Variants in PHLPP2 observed in about 807,000 individuals in gnomAD.
PHLPP2 encodes PH domain leucine-rich repeat-containing protein phosphatase 2.
PHLPP2 carries 66 observed loss-of-function variants against 124.9 expected under a neutral mutation model. The observed-to-expected ratio is 0.53, with a 90% CI of 0.43 to 0.65. The LOEUF (loss-of-function observed/expected upper bound fraction) is 0.65, where lower values mean the gene tolerates loss of function less well. Among genes scored for constraint, PHLPP2 ranks in the 30% least tolerant of loss-of-function variants. The pLI, the probability that PHLPP2 is intolerant of heterozygous loss-of-function variation, is 0.00. For missense variants in PHLPP2, 1,685 were observed against 1,600.4 expected, an observed-to-expected ratio of 1.05 and a Z score of -0.90; for synonymous variants, 681 against 624.7, an observed-to-expected ratio of 1.09 and a Z score of -1.34.
At chr16:71,658,932 T>C (rs1351497828) in intron 13 of PHLPP2, 117 bp from the exon 14 acceptor site, 2 of 837,056 alleles carry the variant, frequency 2.4e-6, no homozygotes, top group African/African-American at 1.7e-5. Context: ...GCCAGATGAC[T>C]GGTGAGAAAT....
intron 2 of PHLPP2, among the ~76,000 whole-genome samples, chr16:71,710,764 T>C (rs2145379258): frequency 6.6e-6 from 1 of 152,318 alleles, no homozygotes; most frequent in Middle Eastern, 3.4e-3. Flanking sequence ...CATTTAATCT[T>C]CATATCATTT....
At chr16:71,650,315 C>CCT (rs2044687554) in intron 18 of PHLPP2, among the ~76,000 whole-genome samples, 9 of 152,108 alleles carry the variant, frequency 5.9e-5, no homozygotes. Context: ...GAAGAACAGG[C>CCT]CTCAGTATGT....
chr16:71,716,829 CCAGA>C (rs1451697908), intron 1 of PHLPP2, among the ~76,000 whole-genome samples: 1 of 152,200 alleles, frequency 6.6e-6, no homozygotes, highest in Non-Finnish European at 1.5e-5. Context: ...TTAATGACTA[CCAGA>C]CATTTTTACT....
At chr16:71,722,766 C>T (rs2045406458) in intron 1 of PHLPP2, among the ~76,000 whole-genome samples, 1 of 152,084 alleles carries the variant, frequency 6.6e-6, no homozygotes, top group Non-Finnish European at 1.5e-5. Flanking sequence ...AATTCCATTC[C>T]ACCTGCGGAA....
intron 12 of PHLPP2, among the ~76,000 whole-genome samples, chr16:71,664,435 G>A (rs1422625200): frequency 1.3e-5 from 2 of 152,134 alleles, no homozygotes; most frequent in Non-Finnish European, 2.9e-5. Context: ...TTTTTGAACT[G>A]TGAAGACACC....
At position 71,658,750 on chromosome 16, in the gene PHLPP2, G is replaced by C. The variant is rs373038872; in HGVS notation, c.2051C>G (p.Pro684Arg). The change falls in exon 14 of 19, where the codon CCC (proline) becomes CGC (arginine). Residue 684 changes from proline to arginine, a missense_variant. Coordinates refer to ENST00000568954, the MANE Select transcript of PHLPP2 (RefSeq NM_015020.3). ...NLSGNKLKTI[P>R]TTIANCKRLH... ...CCTTTTACAGTTTGCTATGGTTGTG[G>C]GAATGGTTTTAAGCTTGTTGCCACT... 1.9e-6 allele frequency: 3 copies of C among 1,613,970 alleles called. No individual in the cohort carries two copies. The highest frequency in any genetic ancestry group is 2.5e-6 in the Non-Finnish European group (3 of 1,180,020).
At chr16:71,671,546 A>C (rs754547830) in intron 10 of PHLPP2, among the ~76,000 whole-genome samples, 6 of 152,090 alleles carry the variant, frequency 3.9e-5, no homozygotes, top group Non-Finnish European at 7.4e-5. Context: ...AAAATCCTGA[A>C]TATAATTAAT....
rs1322598445 is a variant in PHLPP2, at chr16:71,667,878, T to TAA, written c.1629-547_1629-546dup. Reference sequence around the variant, plus strand: ...AAGATTGTGTTCATATTTAGTATGTTAAACGCCTCTAGTTTAATTTTAAAG... The same window carrying TAA: ...AAGATTGTGTTCATATTTAGTATGTTAAAAACGCCTCTAGTTTAATTTTAAAG... On this transcript the variant is annotated intron_variant, in intron 11 of 18. Coordinates refer to ENST00000568954, the MANE Select transcript of PHLPP2 (RefSeq NM_015020.3). Among the ~76,000 whole-genome samples, 6 of 152,322 alleles carry TAA rather than the reference T, an allele frequency of 3.9e-5. No homozygotes were observed. In the East Asian group the frequency reaches 9.6e-4, roughly 24 times the overall value.
chr16:71,655,505 T>G, intron 16 of PHLPP2, 71 bp from the exon 17 acceptor site: 2 of 524,326 alleles, frequency 3.8e-6, no homozygotes, highest in Middle Eastern at 7.5e-4. Context: ...GGAGCATTCT[T>G]TTTTTTTTTT....
chr16:71,720,451 T>G (rs1027517837), intron 1 of PHLPP2, among the ~76,000 whole-genome samples: 11 of 152,144 alleles, frequency 7.2e-5, no homozygotes, highest in African/African-American at 2.7e-4. Flanking sequence ...AAGTGTTCCA[T>G]GAGGGCAATG....
chr16:71,693,310 T>A (rs2045134562), intron 3 of PHLPP2, among the ~76,000 whole-genome samples: 1 of 151,942 alleles, frequency 6.6e-6, no homozygotes, highest in South Asian at 2.1e-4. Context: ...AAGATCAACA[T>A]GCCTAAACCA....
chr16:71,670,376 A>G (rs576797127), intron 10 of PHLPP2, among the ~76,000 whole-genome samples: 216 of 152,306 alleles, frequency 1.4e-3, no homozygotes, highest in Non-Finnish European at 2.3e-3. Context: ...CAAAAGAAAC[A>G]TGGCCAAAGT....
intron 3 of PHLPP2, among the ~76,000 whole-genome samples, chr16:71,692,595 C>A (rs1364292619): frequency 6.6e-6 from 1 of 152,146 alleles, no homozygotes; most frequent in East Asian, 1.9e-4. Context: ...CTAGGTCAAT[C>A]CTTTCATCTA....
chr16:71,651,978 G>A (rs979564093), intron 18 of PHLPP2, among the ~76,000 whole-genome samples: 1 of 152,142 alleles, frequency 6.6e-6, no homozygotes, highest in Admixed American at 6.6e-5. Context: ...TGGGTTTGGC[G>A]ATGAGTTTTA....
Position 71,644,940 on chromosome 16 carries a change from T to A in PHLPP2, c.*3950A>T, listed in dbSNP as rs539460193. The stretch of plus-strand genomic sequence containing the variant: ...AGCACTCCATTTTAAAACAAAGCCA[T>A]GAAAAAGATTCCACTTTATTTTATT... On this transcript the variant is annotated 3_prime_UTR_variant, in exon 19 of 19. Coordinates refer to ENST00000568954, the MANE Select transcript of PHLPP2 (RefSeq NM_015020.3). The A allele has an allele frequency of 1.4e-3, 464 of 322,220 alleles. No homozygotes were observed. The highest frequency in any genetic ancestry group is 2.2e-3 in the Non-Finnish European group (355 of 162,390). 20.0% of individuals were successfully genotyped at this position (322,220 alleles called of 1,614,324 possible). A position where few individuals can be genotyped will look rare whatever the true frequency, so the allele number is the denominator to read the frequency against.
At chr16:71,700,133 G>A (rs8043562) in intron 3 of PHLPP2, among the ~76,000 whole-genome samples, 152,149 of 152,334 alleles carry the variant, frequency 1, 75,982 homozygotes, top group Middle Eastern at 1. Context: ...ACAGTGGCTC[G>A]TGCCTGTAAT....
rs753247603 is a variant in PHLPP2 at position 71,714,625 on chromosome 16, G to C, written c.171C>G (p.Ser57=). The part of the protein sequence containing the change: ...TTTSSSSSSS[S]SSSDLHLVLC... Reference sequence around the variant, plus strand: ...GGACGAGATGTAAGTCAGAGGAAGAGGAGGAGGAGGAAGAGGAAGAGGAGG... The same window carrying C: ...GGACGAGATGTAAGTCAGAGGAAGACGAGGAGGAGGAAGAGGAAGAGGAGG... Residue 57 remains serine, a synonymous_variant, in exon 2 of 19, where the codon TCC becomes TCG. Coordinates refer to ENST00000568954, the MANE Select transcript of PHLPP2 (RefSeq NM_015020.3). The C allele has an allele frequency of 1.3e-5, 21 of 1,606,300 alleles. No individual in the cohort carries two copies. The South Asian group carries it at 2.0e-4, about 15-fold the overall frequency.
chr16:71,660,190 A>T (rs889442997), intron 13 of PHLPP2, among the ~76,000 whole-genome samples: 4 of 151,800 alleles, frequency 2.6e-5, no homozygotes, highest in African/African-American at 9.7e-5. Context: ...TTAAGGCATG[A>T]AACTACACTT....
rs935414966 is a variant in PHLPP2 at position 71,645,162 on chromosome 16, A to C, written c.*3728T>G. On this transcript the variant is annotated 3_prime_UTR_variant, in exon 19 of 19. Coordinates refer to ENST00000568954, the MANE Select transcript of PHLPP2 (RefSeq NM_015020.3). Reference sequence around the variant, plus strand: ...TGTCTGGATGACATCCACTGGCAACAGTGAGAGAAAACCCTATAGCATCTG... The same window carrying C: ...TGTCTGGATGACATCCACTGGCAACCGTGAGAGAAAACCCTATAGCATCTG... 5.6e-6 allele frequency: 1 copy of C among 179,432 alleles called. No homozygotes were observed. The highest frequency in any genetic ancestry group is 1.2e-5 in the Non-Finnish European group (1 of 85,280). The allele number at this position is 179,432 out of a possible 1,614,324, so 11.1% of individuals were successfully genotyped here. A position where few individuals can be genotyped will look rare whatever the true frequency, so the allele number is the denominator to read the frequency against.
Sources: allele counts gnomAD v4.1 joint callset (sites outside exome capture counted in the v4.1 genomes callset), GRCh38; gene constraint gnomAD v4.1.1; transcripts MANE v1.5; gene names NCBI Gene and HGNC (gene_info 2026-07-23, HGNC 2026-07-21).